CCDC178: variants seen among roughly 807,000 people sequenced by gnomAD.
CCDC178 encodes the protein coiled-coil domain containing 178, also known as coiled-coil domain-containing protein 178.
CCDC178 carries 126 observed loss-of-function variants against 117.4 expected under a neutral mutation model. The observed-to-expected ratio is 1.07, with a 90% CI of 0.93 to 1.24. The LOEUF (loss-of-function observed/expected upper bound fraction) is 1.24, where lower values mean the gene tolerates loss of function less well. CCDC178 is among the 50% of genes most tolerant of loss of function. CCDC178 has a pLI of 0.00. For missense variants in CCDC178, 1,030 were observed against 986.9 expected, an observed-to-expected ratio of 1.04 and a Z score of -0.59; for synonymous variants, 283 against 313.4, an observed-to-expected ratio of 0.90 and a Z score of 1.02.
intron 12 of CCDC178, among the ~76,000 whole-genome samples, chr18:33,287,311 T>G (rs2060110570): frequency 6.6e-6 from 1 of 152,242 alleles, no homozygotes; most frequent in African/African-American, 2.4e-5. Flanking sequence ...GCTTAACATG[T>G]GCTCTTTGAA....
At chr18:33,360,237 A>G (rs1156565933) in intron 6 of CCDC178, among the ~76,000 whole-genome samples, 1 of 150,742 alleles carries the variant, frequency 6.6e-6, no homozygotes, top group African/African-American at 2.4e-5. Flanking sequence ...TATACTCAAA[A>G]GAACTGAAAA....
At chr18:33,044,778 T>G (rs1486629588) in intron 21 of CCDC178, among the ~76,000 whole-genome samples, 2 of 152,184 alleles carry the variant, frequency 1.3e-5, no homozygotes, top group Non-Finnish European at 2.9e-5. Context: ...CATCATCAGA[T>G]GACTGGATAA....
intron 21 of CCDC178, among the ~76,000 whole-genome samples, chr18:33,069,789 C>A (rs1424493994): frequency 6.6e-6 from 1 of 151,802 alleles, no homozygotes; most frequent in Admixed American, 6.6e-5. Flanking sequence ...ATAAAAGATT[C>A]ATGACCAGAA....
chr18:33,165,693 A>C (rs963816791), intron 20 of CCDC178, among the ~76,000 whole-genome samples: 14 of 152,200 alleles, frequency 9.2e-5, no homozygotes, highest in African/African-American at 3.4e-4. Context: ...TTGCCTGTCA[A>C]TTGTTAAGTA....
At chr18:33,039,109 A>G (rs182995487) in intron 21 of CCDC178, among the ~76,000 whole-genome samples, 8 of 152,222 alleles carry the variant, frequency 5.3e-5, no homozygotes, top group Admixed American at 4.6e-4. Flanking sequence ...ACAAAGAGAC[A>G]TGAAAATAAA....
chr18:33,094,910 C>T (rs1348980883), intron 20 of CCDC178, among the ~76,000 whole-genome samples: 1 of 151,776 alleles, frequency 6.6e-6, no homozygotes, highest in Non-Finnish European at 1.5e-5. Flanking sequence ...AGTCAGTGAC[C>T]TTCAGATGTA....
At position 33,415,690 on chromosome 18, in the gene CCDC178, G is replaced by A. The variant is rs533031186; in HGVS notation, c.-22-3580C>T. Among the ~76,000 whole-genome samples the A allele has an allele frequency of 2.0e-5, 3 of 152,046 alleles. No individual in the cohort carries two copies. In the South Asian group the frequency reaches 6.2e-4, roughly 32 times the overall value. On this transcript the variant is annotated intron_variant, in intron 2 of 22. Transcript: ENST00000383096. ...GTGCACATGTACCCTAGAACTTAAA[G>A]TATAGTTTAAAAAAAACAGAAATAA...
At chr18:33,314,321 C>T (rs546922714) in intron 11 of CCDC178, among the ~76,000 whole-genome samples, 9 of 150,534 alleles carry the variant, frequency 6.0e-5, no homozygotes, top group South Asian at 4.2e-4. Flanking sequence ...GGCTACTTCT[C>T]GGGATCTAAA....
At chr18:33,077,181 T>C (rs2057224024) in intron 21 of CCDC178, among the ~76,000 whole-genome samples, 1 of 152,192 alleles carries the variant, frequency 6.6e-6, no homozygotes, top group African/African-American at 2.4e-5. Context: ...TGTATATGGA[T>C]AATGAGTTGG....
chr18:33,270,618 A>G (rs2059875985), intron 12 of CCDC178, among the ~76,000 whole-genome samples: 1 of 151,634 alleles, frequency 6.6e-6, no homozygotes, highest in Middle Eastern at 3.2e-3. Flanking sequence ...AAAAGTACCA[A>G]GAATCCTATA....
At chr18:33,320,724 A>G (rs920040812) in intron 11 of CCDC178, among the ~76,000 whole-genome samples, 8 of 152,340 alleles carry the variant, frequency 5.3e-5, no homozygotes, top group African/African-American at 1.9e-4. Context: ...TCTTCACAGA[A>G]TTGGAAAAAA....
At chr18:33,213,080 T>C (rs1400932469) in intron 19 of CCDC178, among the ~76,000 whole-genome samples, 1 of 151,946 alleles carries the variant, frequency 6.6e-6, no homozygotes, top group Non-Finnish European at 1.5e-5. Flanking sequence ...TCCCATTTAA[T>C]ACAACAAAAA....
chr18:33,425,847 G>A (rs563093607), intron 2 of CCDC178, among the ~76,000 whole-genome samples: 2 of 152,282 alleles, frequency 1.3e-5, no homozygotes, highest in African/African-American at 4.8e-5. Flanking sequence ...ATAGCAGTCA[G>A]ATTAACAGGT....
chr18:33,019,970 G>A (rs1024579316), intron 21 of CCDC178, among the ~76,000 whole-genome samples: 2 of 147,700 alleles, frequency 1.4e-5, no homozygotes, highest in Non-Finnish European at 3.0e-5. Context: ...ATTTGAGATA[G>A]AGTCTTACTC....
At chr18:33,067,852 A>AATAAAAAG (rs1555636334) in intron 21 of CCDC178, among the ~76,000 whole-genome samples, 1 of 152,092 alleles carries the variant, frequency 6.6e-6, no homozygotes, top group African/African-American at 2.4e-5. Flanking sequence ...TAAATAAATA[A>AATAAAAAG]AAAGAAAGAA....
intron 7 of CCDC178, among the ~76,000 whole-genome samples, chr18:33,349,550 G>C (rs915454065): frequency 6.6e-6 from 1 of 151,764 alleles, no homozygotes; most frequent in Admixed American, 6.6e-5. Flanking sequence ...TTCCTTTCTA[G>C]CTAAAATTCT....
chr18:33,425,126 A>G (rs1459609945), intron 2 of CCDC178, among the ~76,000 whole-genome samples: 2 of 152,204 alleles, frequency 1.3e-5, no homozygotes, highest in Non-Finnish European at 2.9e-5. Flanking sequence ...ATAGTGTCCA[A>G]TATTTTATCC....
intron 21 of CCDC178, among the ~76,000 whole-genome samples, chr18:33,055,388 G>A (rs2056813012): frequency 6.6e-6 from 1 of 152,024 alleles, no homozygotes; most frequent in African/African-American, 2.4e-5. Flanking sequence ...CCAGGCTGGA[G>A]TGCAGTGGCA....
At chr18:33,161,671 C>T (rs1008429283) in intron 20 of CCDC178, among the ~76,000 whole-genome samples, 17 of 152,078 alleles carry the variant, frequency 1.1e-4, no homozygotes, top group Non-Finnish European at 2.5e-4. Context: ...TCACAATTAC[C>T]TTCAGGTTTT....
Sources: gnomAD v4.1 joint callset for allele counts (sites outside exome capture counted in the v4.1 genomes callset) on GRCh38, gnomAD v4.1.1 for gene constraint, MANE v1.5 for transcripts, NCBI Gene and HGNC (gene_info 2026-07-23, HGNC 2026-07-21) for gene names.